The following CCDC178 variants were observed in gnomAD, a reference collection of about 807,000 sequenced individuals.
The protein encoded by CCDC178 is coiled-coil domain containing 178.
Under a neutral mutation model 117.4 loss-of-function variants are expected in CCDC178, and 126 were observed. The observed-to-expected ratio is 1.07, with a 90% confidence interval of 0.93 to 1.24. CCDC178 has a LOEUF of 1.24. Ranked by LOEUF, CCDC178 falls within the 50% of genes most tolerant of loss-of-function variation. CCDC178 has a pLI of 0.00. For missense variants in CCDC178, 1,030 were observed against 986.9 expected, an observed-to-expected ratio of 1.04 and a Z score of -0.59; for synonymous variants, 283 against 313.4, an observed-to-expected ratio of 0.90 and a Z score of 1.02.
intron 9 of CCDC178, among the ~76,000 whole-genome samples, chr18:33,339,199 T>C (rs932184724): frequency 2.0e-5 from 3 of 151,880 alleles, no homozygotes; most frequent in South Asian, 4.2e-4. Flanking sequence ...AAGAGAAATA[T>C]AGAGGTTTAA....
intron 21 of CCDC178, among the ~76,000 whole-genome samples, chr18:33,027,707 AAATATATT>A (rs2056257221): frequency 6.6e-6 from 1 of 151,826 alleles, no homozygotes; most frequent in African/African-American, 2.4e-5. Flanking sequence ...CATATCATCA[AAATATATT>A]AAGCAAAAAT....
chr18:33,200,328 T>C (rs867855379), intron 20 of CCDC178, among the ~76,000 whole-genome samples: 2 of 152,324 alleles, frequency 1.3e-5, no homozygotes, highest in African/African-American at 4.8e-5. Context: ...ACAAGATTAA[T>C]GTTTCAGTCT....
chr18:33,438,601 T>G (rs2064326742), intron 2 of CCDC178, among the ~76,000 whole-genome samples: 1 of 151,816 alleles, frequency 6.6e-6, no homozygotes, highest in Admixed American at 6.6e-5. Context: ...GACATGAAGT[T>G]ACCATGGCCA....
intron 21 of CCDC178, among the ~76,000 whole-genome samples, chr18:33,046,684 T>C (rs995506190): frequency 2.0e-5 from 3 of 152,162 alleles, no homozygotes; most frequent in African/African-American, 7.2e-5. Flanking sequence ...TACAAGTAGC[T>C]ACTTTGAGAC....
At chr18:33,108,908 T>A (rs2057742847) in intron 20 of CCDC178, among the ~76,000 whole-genome samples, 2 of 151,668 alleles carry the variant, frequency 1.3e-5, no homozygotes, top group South Asian at 4.1e-4. Context: ...TATAAAAAAA[T>A]TCAGCAAATA....
intron 21 of CCDC178, among the ~76,000 whole-genome samples, chr18:33,022,770 A>G (rs972045936): frequency 1.3e-5 from 2 of 152,150 alleles, no homozygotes; most frequent in African/African-American, 4.8e-5. Flanking sequence ...TAGTCTAAGT[A>G]TATCAATTAG....
At chr18:32,953,923 A>C (rs2054540243) in intron 22 of CCDC178, among the ~76,000 whole-genome samples, 1 of 152,152 alleles carries the variant, frequency 6.6e-6, no homozygotes, top group African/African-American at 2.4e-5. Context: ...GCTTCCTTTC[A>C]CATATATCTC....
intron 21 of CCDC178, among the ~76,000 whole-genome samples, chr18:32,977,848 T>A (rs1049491615): frequency 2.0e-5 from 3 of 152,188 alleles, no homozygotes; most frequent in Non-Finnish European, 4.4e-5. Flanking sequence ...GAACAAAGAT[T>A]TGTTTGCCAA....
At chr18:33,203,343 C>T (rs1403581843) in intron 20 of CCDC178, among the ~76,000 whole-genome samples, 1 of 151,924 alleles carries the variant, frequency 6.6e-6, no homozygotes, top group Non-Finnish European at 1.5e-5. Flanking sequence ...TTTAAGTTTG[C>T]TTTCCTGTCA....
intron 15 of CCDC178, among the ~76,000 whole-genome samples, chr18:33,235,920 T>C (rs2059421583): frequency 6.6e-6 from 1 of 152,206 alleles, no homozygotes; most frequent in Non-Finnish European, 1.5e-5. Flanking sequence ...ACCTCTTTTC[T>C]GAATAGGTCA....
chr18:33,362,953 G>C (rs796582464), intron 6 of CCDC178, among the ~76,000 whole-genome samples: 18 of 151,938 alleles, frequency 1.2e-4, no homozygotes, highest in African/African-American at 4.3e-4. Context: ...TAGGAAGTCT[G>C]AGTAAATTAC....
chr18:33,253,614 T>C (rs1488138356), intron 14 of CCDC178, among the ~76,000 whole-genome samples: 1 of 151,862 alleles, frequency 6.6e-6, no homozygotes, highest in Non-Finnish European at 1.5e-5. Flanking sequence ...AAACAATGGA[T>C]ATAGTCAAAT....
intron 14 of CCDC178, among the ~76,000 whole-genome samples, chr18:33,246,153 A>C (rs971669837): frequency 6.6e-6 from 1 of 151,900 alleles, no homozygotes; most frequent in Non-Finnish European, 1.5e-5. Flanking sequence ...ATCTGGGGTA[A>C]AGCTCCAGCA....
At chr18:33,012,845 C>G (rs932610458) in intron 21 of CCDC178, among the ~76,000 whole-genome samples, 1 of 152,144 alleles carries the variant, frequency 6.6e-6, no homozygotes, top group East Asian at 1.9e-4. Flanking sequence ...ATGATTGAGT[C>G]CAGCAGCAGC....
intron 15 of CCDC178, among the ~76,000 whole-genome samples, chr18:33,243,606 T>C (rs886308899): frequency 6.6e-6 from 1 of 151,778 alleles, no homozygotes; most frequent in African/African-American, 2.4e-5. Context: ...TACAGTAGAG[T>C]TACATCAAAC....
intron 15 of CCDC178, among the ~76,000 whole-genome samples, chr18:33,236,441 C>A (rs1246588162): frequency 6.6e-6 from 1 of 151,968 alleles, no homozygotes; most frequent in African/African-American, 2.4e-5. Context: ...TTTTTAATGC[C>A]GTATATATTC....
intron 20 of CCDC178, among the ~76,000 whole-genome samples, chr18:33,175,333 T>A (rs2058652130): frequency 6.6e-6 from 1 of 152,124 alleles, no homozygotes; most frequent in South Asian, 2.1e-4. Context: ...CTAGTTCTCC[T>A]TTTAACATTT....
chr18:32,940,974 A>ACCT (rs1346137719), intron 22 of CCDC178, among the ~76,000 whole-genome samples: 3 of 152,056 alleles, frequency 2.0e-5, no homozygotes, highest in African/African-American at 7.2e-5. Context: ...GTTGAAATAC[A>ACCT]GTAGGAACTC....
At chr18:33,167,195 GT>G (rs2058542866) in intron 20 of CCDC178, among the ~76,000 whole-genome samples, 1 of 152,072 alleles carries the variant, frequency 6.6e-6, no homozygotes, top group Non-Finnish European at 1.5e-5. Context: ...GGACATTTAG[GT>G]TGATTCCATC....
Sources: allele counts gnomAD v4.1 joint callset (sites outside exome capture counted in the v4.1 genomes callset), GRCh38; gene constraint gnomAD v4.1.1; transcripts MANE v1.5; gene names NCBI Gene and HGNC (gene_info 2026-07-23, HGNC 2026-07-21).